HECW2: variants seen among roughly 807,000 people sequenced by gnomAD.
The protein encoded by HECW2 is E3 ubiquitin-protein ligase HECW2.
In HECW2, 61 loss-of-function variants were observed where a neutral mutation model predicts 175.2. The observed-to-expected ratio is 0.35, with a 90% CI of 0.28 to 0.43. The LOEUF is 0.43. HECW2 is among the 20% of genes least tolerant of loss of function. The probability of loss-of-function intolerance (pLI) is 1.00; values close to 1 mark genes in which losing one functional copy is unlikely to be tolerated. For missense variants in HECW2, 1,524 were observed against 2,000.5 expected, an observed-to-expected ratio of 0.76 and a Z score of 4.54; for synonymous variants, 671 against 731.0, an observed-to-expected ratio of 0.92 and a Z score of 1.32.
intron 2 of HECW2, among the ~76,000 whole-genome samples, chr2:196,424,000 G>GA (rs1695475394): frequency 6.6e-6 from 1 of 151,798 alleles, no homozygotes; most frequent in South Asian, 2.1e-4. Context: ...AAGGTGTGTG[G>GA]AAACCCCACA....
chr2:196,229,461 A>T (rs1450458653), intron 21 of HECW2, among the ~76,000 whole-genome samples: 2 of 152,144 alleles, frequency 1.3e-5, no homozygotes, highest in African/African-American at 2.4e-5. Flanking sequence ...GGAGTTTGAG[A>T]TAAGCCTGGG....
chr2:196,252,433 G>T (rs4850689), intron 19 of HECW2, among the ~76,000 whole-genome samples: 1 of 151,824 alleles, frequency 6.6e-6, no homozygotes, highest in South Asian at 2.1e-4. Context: ...AGGGCCTTGT[G>T]GGGGGTGTTT....
At chr2:196,582,066 G>C (rs1015637414) in intron 1 of HECW2, among the ~76,000 whole-genome samples, 1 of 138,844 alleles carries the variant, frequency 7.2e-6, no homozygotes, top group African/African-American at 3.3e-5. Context: ...ACTCCATCTC[G>C]AAAAATAATA....
chr2:196,321,019 C>T (rs1296484874), intron 7 of HECW2, among the ~76,000 whole-genome samples: 1 of 152,224 alleles, frequency 6.6e-6, no homozygotes. Context: ...AGACAGCAGC[C>T]CTGGCTGTGT....
At chr2:196,203,009 G>A (rs937963448) in intron 28 of HECW2, among the ~76,000 whole-genome samples, 7 of 152,078 alleles carry the variant, frequency 4.6e-5, no homozygotes, top group African/African-American at 7.2e-5. Context: ...TTTTGACCGC[G>A]TTTTTGACTG....
At chr2:196,334,269 C>T (rs530780210) in intron 4 of HECW2, among the ~76,000 whole-genome samples, 155 bp downstream of exon 4, 2 of 152,164 alleles carry the variant, frequency 1.3e-5, no homozygotes, top group Admixed American at 1.3e-4. Context: ...GTGTGCCAAC[C>T]TTGTAAGCTA....
intron 1 of HECW2, among the ~76,000 whole-genome samples, chr2:196,581,934 T>C (rs1167916444): frequency 6.6e-6 from 1 of 151,238 alleles, no homozygotes; most frequent in Non-Finnish European, 1.5e-5. Context: ...GGAGTGGTGG[T>C]GGGAGCCTGT....
chr2:196,420,822 C>A (rs1695388507), intron 2 of HECW2, among the ~76,000 whole-genome samples: 2 of 151,438 alleles, frequency 1.3e-5, no homozygotes, highest in African/African-American at 4.9e-5. Context: ...AGGTTTGTTA[C>A]ATAGAATATG....
chr2:196,291,445 G>C (rs1441831699), intron 14 of HECW2: 1 of 152,156 alleles, frequency 6.6e-6, no homozygotes, highest in African/African-American at 2.4e-5. Context: ...GCATTCATGA[G>C]AATGACAGTT....
intron 2 of HECW2, among the ~76,000 whole-genome samples, chr2:196,379,291 G>A: frequency 6.6e-6 from 1 of 152,190 alleles, no homozygotes; most frequent in East Asian, 1.9e-4. Context: ...GGGAGTATGA[G>A]AAGGACTTTT....
At chr2:196,230,308 C>T (rs1157843194) in intron 21 of HECW2, among the ~76,000 whole-genome samples, 2 of 152,226 alleles carry the variant, frequency 1.3e-5, no homozygotes, top group African/African-American at 4.8e-5. Flanking sequence ...CCGCCAGGAA[C>T]AAATAGAATA....
In HECW2 at chr2:196,195,554, A is replaced by C. The variant is rs751258938; in HGVS notation, c.*5723T>G. On this transcript the variant is annotated 3_prime_UTR_variant, in exon 29 of 29. Transcript: ENST00000644978. The stretch of plus-strand genomic sequence containing the variant: ...GTCTTGATTAACTTCCTGACTTGGA[A>C]ACACTAATTTAGTCTCCATTTGCAA... 3.9e-5 allele frequency: 6 copies of C among 152,228 alleles called. No individual in the cohort carries two copies. Among genetic ancestry groups the C allele is most frequent in the Non-Finnish European group, 8.8e-5 (6 of 68,048 alleles). 9.4% of individuals were successfully genotyped at this position (152,228 alleles called of 1,614,324 possible).
intron 1 of HECW2, among the ~76,000 whole-genome samples, chr2:196,499,986 T>C (rs1312918257): frequency 1.3e-5 from 2 of 152,160 alleles, no homozygotes; most frequent in African/African-American, 2.4e-5. Flanking sequence ...TCTATACACA[T>C]ATGACAGCAG....
chr2:196,285,368 A>G (rs761175226), intron 14 of HECW2, among the ~76,000 whole-genome samples: 8 of 152,252 alleles, frequency 5.3e-5, no homozygotes, highest in Non-Finnish European at 1.0e-4. Flanking sequence ...ACTATGCTAC[A>G]GAACGCTACA....
chr2:196,570,618 G>C (rs552498985), intron 1 of HECW2, among the ~76,000 whole-genome samples: 50 of 152,244 alleles, frequency 3.3e-4, no homozygotes, highest in African/African-American at 1.2e-3. Flanking sequence ...GAGTTGATGG[G>C]TGCAGCAAAC....
chr2:196,433,356 A>T lies in HECW2; in HGVS notation c.68T>A (p.Leu23Ter), dbSNP rs1277576796. 6.2e-7 allele frequency: 1 copy of T among 1,614,036 alleles called. No individual in the cohort carries two copies. The highest frequency in any genetic ancestry group is 8.5e-7 in the Non-Finnish European group (1 of 1,180,016). The change falls in exon 2 of 29, where the codon TTG becomes TAG. Residue 23 changes from leucine to a stop codon, truncating the protein, a stop_gained. Transcript: ENST00000644978. LOFTEE classifies it high-confidence loss of function. ...AAGGCTCTGGAGGTTCTCTGGGCTC[A>T]ATGTGTACCGCATCTGGGGATTTCG... ...RRRNPQMRYT[L>*]SPENLQSLAA...
chr2:196,550,322 AAGTTCGAAC>A (rs1278377867), intron 1 of HECW2, among the ~76,000 whole-genome samples: 1 of 152,146 alleles, frequency 6.6e-6, no homozygotes, highest in Non-Finnish European at 1.5e-5. Flanking sequence ...ATTTAAATAC[AAGTTCGAAC>A]AGTGATGTGA....
intron 1 of HECW2, among the ~76,000 whole-genome samples, chr2:196,569,157 T>C (rs377045147): frequency 4.6e-5 from 7 of 152,102 alleles, no homozygotes; most frequent in African/African-American, 1.7e-4. Context: ...GGCAACATAG[T>C]GAGACCCCAT....
At chr2:196,274,168 T>C (rs1430398647) in intron 15 of HECW2, 45 bp from the exon 16 acceptor site, 5 of 1,439,090 alleles carry the variant, frequency 3.5e-6, no homozygotes, top group Non-Finnish European at 3.9e-6. Context: ...AGAGCCAGAA[T>C]GCTCTATATC....
Sources: allele counts gnomAD v4.1 joint callset (sites outside exome capture counted in the v4.1 genomes callset), GRCh38; gene constraint gnomAD v4.1.1; transcripts MANE v1.5; gene names NCBI Gene and HGNC (gene_info 2026-07-23, HGNC 2026-07-21).